Variants in NOTCH2 observed in about 807,000 individuals in gnomAD.
NOTCH2 encodes the protein neurogenic locus notch homolog protein 2.
In NOTCH2, 29 loss-of-function variants were observed where a neutral mutation model predicts 235.8. The observed-to-expected ratio is 0.12, with a 90% CI of 0.09 to 0.17. NOTCH2 has a LOEUF of 0.17. Ranked by LOEUF, NOTCH2 falls within the 10% of genes least tolerant of loss-of-function variation. The pLI is 1.00. For missense variants in NOTCH2, 2,285 were observed against 3,150.2 expected, an observed-to-expected ratio of 0.73 and a Z score of 6.57; for synonymous variants, 1,086 against 1,141.5, an observed-to-expected ratio of 0.95 and a Z score of 0.98.
chr1:120,023,691 CAA>C (rs1553209418), intron 2 of NOTCH2, among the ~76,000 whole-genome samples: 2 of 137,634 alleles, frequency 1.5e-5, no homozygotes, highest in South Asian at 2.6e-4. Context: ...TTAAATTTCA[CAA>C]GAGAGGCCTG....
In NOTCH2 at chr1:119,926,550, A is replaced by C; in HGVS notation, c.3954T>G (p.Thr1318=). Residue 1318 remains threonine (T), a synonymous_variant, in exon 24 of 34, where the codon ACT becomes ACG. Coordinates refer to ENST00000256646, the MANE Select transcript of NOTCH2 (RefSeq NM_024408.4). ...CPQMPCLNGG[T]CAVASNMPDG... Reference sequence around the variant, plus strand: ...CAGGCATGTTACTGGCCACAGCACAAGTCCCTCCATTCAGGCAGGGCATCT... The same window carrying C: ...CAGGCATGTTACTGGCCACAGCACACGTCCCTCCATTCAGGCAGGGCATCT... 1 of 1,609,882 alleles carries C rather than the reference A, an allele frequency of 6.2e-7. No individual in the cohort carries two copies.
chr1:119,917,358 A>C lies in NOTCH2; in HGVS notation c.6027+307T>G, dbSNP rs1649116060. Among the ~76,000 whole-genome samples, 3 of 152,146 alleles carry C rather than the reference A, an allele frequency of 2.0e-5. No individual in the cohort carries two copies. In the South Asian group the frequency reaches 6.2e-4, roughly 32 times the overall value. On this transcript the variant is annotated intron_variant, in intron 33 of 33. Transcript: ENST00000256646. The stretch of plus-strand genomic sequence containing the variant: ...GGGAAAAAAGAAAGAAAACGAGAAA[A>C]AGAAGTGATTATGAACAGAAGAGAC...
At chr1:119,951,596 C>T (rs1175892599) in intron 14 of NOTCH2, among the ~76,000 whole-genome samples, 1 of 152,238 alleles carries the variant, frequency 6.6e-6, no homozygotes, top group East Asian at 1.9e-4. Flanking sequence ...CCATGTGGTA[C>T]TTCCTGAAGT....
At chr1:119,967,721 C>A in intron 7 of NOTCH2, 100 bp from the exon 8 acceptor site, 3 of 1,021,284 alleles carry the variant, frequency 2.9e-6, no homozygotes, top group South Asian at 2.6e-5. Context: ...CAGGGCCAGG[C>A]CTTCAATAAT....
chr1:119,974,380 T>G (rs1429742595), intron 5 of NOTCH2, among the ~76,000 whole-genome samples: 2 of 152,224 alleles, frequency 1.3e-5, no homozygotes, highest in African/African-American at 4.8e-5. Flanking sequence ...GTTAGGCTCT[T>G]ATTTCCTATG....
In NOTCH2 at chr1:119,923,749, A is replaced by G. The variant is rs745406752; in HGVS notation, c.4747T>C (p.Ser1583Pro). Residue 1583 changes from serine (S) to proline (P), a missense_variant, in exon 26 of 34, where the codon TCC becomes CCC. Coordinates refer to ENST00000256646, the MANE Select transcript of NOTCH2 (RefSeq NM_024408.4). ...LHTNLRIKRDSQGELMVYPYY... is the reference protein window; with the variant it reads ...LHTNLRIKRDPQGELMVYPYY... ...GGGTACACCATGAGTTCCCCCTGGG[A>G]GTCCCGCTTAATGCGCAGGTTGGTG... 2 of 1,614,164 alleles carry G rather than the reference A, an allele frequency of 1.2e-6. No homozygotes were observed. The highest frequency in any genetic ancestry group is 1.7e-6 in the Non-Finnish European group (2 of 1,180,008).
intron 14 of NOTCH2, 79 bp from the exon 15 acceptor site, chr1:119,950,916 G>A: frequency 1.1e-6 from 1 of 900,768 alleles, no homozygotes; most frequent in Non-Finnish European, 1.9e-6. Flanking sequence ...CTCTTTAGGG[G>A]TAAAAACTGA....
rs141961602 is a variant in NOTCH2 at position 119,915,434 on chromosome 1, G to A, written c.7288C>T (p.Pro2430Ser). The A allele has an allele frequency of 4.3e-6, 7 of 1,614,094 alleles. No homozygotes were observed. In the African/African-American group the frequency reaches 9.3e-5, roughly 22 times the overall value. ...TCTGACCAGTCAGAAGCAGAGTGGG[G>A]TGATGAACTTGACCACTGGTCAGGA... ...ESPDQWSSSS[P>S]HSASDWSDVT... is the part of the protein sequence containing the mutation. Residue 2430 changes from proline to serine, a missense_variant, in exon 34 of 34, where the codon CCC (proline) becomes TCC (serine). Physicochemically the swap from Pro to Ser is moderately conservative, Grantham distance 74. Around this residue, in one of 6 missense-constraint regions of NOTCH2, gnomAD observed 504 missense variants for 538.0 expected, o/e 0.94. Transcript: ENST00000256646.
Position 119,937,346 on chromosome 1 carries a change from C to T in NOTCH2, c.3458G>A (p.Cys1153Tyr), listed in dbSNP as rs2101098963. 6.2e-7 allele frequency: 1 copy of T among 1,614,130 alleles called. No homozygotes were observed. Among genetic ancestry groups the T allele is most frequent in the Admixed American group, 1.7e-5 (1 of 60,026 alleles). ...GSYCEEQLDE[C>Y]ASNPCQHGAT... ...CCCGTGCTGGCAGGGGTTGGACGCA[C>T]ACTCATCGAGTTGCTCCTCACAGTA... Residue 1153 changes from cysteine (C) to tyrosine (Y), a missense_variant, in exon 21 of 34, where the codon TGT (cysteine) becomes TAT (tyrosine). Physicochemically the swap from Cys to Tyr is radical, Grantham distance 194 (BLOSUM62 -2). Coordinates refer to ENST00000256646, the MANE Select transcript of NOTCH2 (RefSeq NM_024408.4).
intron 24 of NOTCH2, 66 bp from the exon 25 acceptor site, chr1:119,925,876 G>T: frequency 6.3e-7 from 1 of 1,585,814 alleles, no homozygotes; most frequent in South Asian, 1.1e-5. Flanking sequence ...GAAGTTTGAG[G>T]TTTCTAGAAA....
In NOTCH2 at chr1:119,922,750, G is replaced by A. The variant is rs1649331292; in HGVS notation, c.4888C>T (p.Arg1630Cys). The A allele has an allele frequency of 1.2e-6, 2 of 1,614,172 alleles. No homozygotes were observed. Among genetic ancestry groups the A allele is most frequent in the African/African-American group, 1.3e-5 (1 of 75,042 alleles). The change falls in exon 27 of 34, where the codon CGC becomes TGC. Residue 1630 changes from arginine (R) to cysteine (C), a missense_variant. By Grantham distance (180) the Arg-to-Cys change is radical. Around this residue, in one of 6 missense-constraint regions of NOTCH2, gnomAD observed 1,173 missense variants for 1,515.3 expected, o/e 0.77. Transcript: ENST00000256646. ...GSKVFLEIDN[R>C]QCVQDSDHCF... ...TGGTCTGAGTCTTGAACACACTGGC[G>A]GTTGTCAATTTCCAGAAAGACTTTA...
chr1:119,963,691 T>C lies in NOTCH2; in HGVS notation c.1798A>G (p.Met600Val), dbSNP rs782098926. 9.9e-6 allele frequency: 16 copies of C among 1,614,024 alleles called. No individual in the cohort carries two copies. Among genetic ancestry groups the C allele is most frequent in the East Asian group, 2.2e-5 (1 of 44,900 alleles). The stretch of plus-strand genomic sequence containing the variant: ...ATCTGGTCACTGCAGATGGCGCCCA[T>C]GTACCCGGGATTGCAGATGCAGGTG... Reference protein sequence around the residue: ...SYTCICNPGYMGAICSDQIDE... With the variant: ...SYTCICNPGYVGAICSDQIDE... The change falls in exon 11 of 34, where the codon ATG (methionine) becomes GTG (valine). Residue 600 changes from methionine to valine, a missense_variant. Coordinates refer to ENST00000256646, the MANE Select transcript of NOTCH2 (RefSeq NM_024408.4).
At chr1:119,955,275 AG>A (rs1553198279) in intron 12 of NOTCH2, 43 bp from the exon 13 acceptor site, 5 of 1,595,108 alleles carry the variant, frequency 3.1e-6, no homozygotes, top group Middle Eastern at 1.7e-4. Context: ...CTAAATGCTT[AG>A]GAAATAGACC....
chr1:119,999,956 A>G (rs1233676835), intron 3 of NOTCH2, among the ~76,000 whole-genome samples: 2 of 134,520 alleles, frequency 1.5e-5, no homozygotes, highest in African/African-American at 6.7e-5. Context: ...AGAAAGAAAG[A>G]AAGAAAGAAA....
intron 2 of NOTCH2, among the ~76,000 whole-genome samples, chr1:120,008,767 C>A (rs1242863833): frequency 6.6e-6 from 1 of 152,210 alleles, no homozygotes; most frequent in African/African-American, 2.4e-5. Flanking sequence ...TATAATCATT[C>A]ATTCACACAA....
At chr1:119,987,295 T>C (rs1040469248) in intron 4 of NOTCH2, among the ~76,000 whole-genome samples, 3 of 152,128 alleles carry the variant, frequency 2.0e-5, no homozygotes, top group Non-Finnish European at 4.4e-5. Context: ...ATTGTGCCAA[T>C]GGCATGCCTT....
chr1:120,060,469 A>T (rs1440905362), intron 1 of NOTCH2, among the ~76,000 whole-genome samples: 1 of 149,304 alleles, frequency 6.7e-6, no homozygotes, highest in Non-Finnish European at 1.5e-5. Context: ...ATATATATAT[A>T]TAAAAATAAA....
chr1:119,977,595 C>A (rs937208028), intron 5 of NOTCH2, among the ~76,000 whole-genome samples: 1 of 152,176 alleles, frequency 6.6e-6, no homozygotes, highest in African/African-American at 2.4e-5. Flanking sequence ...TATTCCCCAA[C>A]GTCACTACTA....
At chr1:119,978,057 A>G (rs1383995354) in intron 5 of NOTCH2, among the ~76,000 whole-genome samples, 1 of 152,170 alleles carries the variant, frequency 6.6e-6, no homozygotes, top group Non-Finnish European at 1.5e-5. Context: ...CCTTGGGAGT[A>G]CAGAGTAGGG....
Sources: allele counts gnomAD v4.1 joint callset (sites outside exome capture counted in the v4.1 genomes callset), GRCh38; gene constraint gnomAD v4.1.1; regional missense constraint gnomAD v4.1.1; transcripts MANE v1.5; gene names NCBI Gene and HGNC (gene_info 2026-07-23, HGNC 2026-07-21).